ZFP36: variants seen among roughly 807,000 people sequenced by gnomAD.
ZFP36 encodes the protein ZFP36 zinc finger CCCH-type.
Under a neutral mutation model 19.8 loss-of-function variants are expected in ZFP36, and 13 were observed. That is an observed-to-expected ratio of 0.66 (90% CI 0.43 to 1.04). The LOEUF (loss-of-function observed/expected upper bound fraction) is 1.04. Ranked by LOEUF, ZFP36 falls within the 50% of genes least tolerant of loss-of-function variation. The pLI is 0.00. For synonymous variants in ZFP36, 191 were observed against 194.5 expected (o/e 0.98, Z 0.15); for missense variants, 354 against 441.6 (o/e 0.80, Z 1.78).
chr19:39,407,878 C>G lies in ZFP36; in HGVS notation c.160C>G (p.Leu54Val), dbSNP rs2078484928. ...CAGCCCGTCTGGGGTCACCTCCCGC[C>G]TGCCTGGCCGCTCCACCAGCCTAGT... ...DSSPSGVTSR[L>V]PGRSTSLVEG... The change falls in exon 2 of 2, where the codon CTG becomes GTG. Residue 54 changes from leucine (L) to valine (V), a missense_variant. By Grantham distance (32) the Leu-to-Val change is conservative (BLOSUM62 1). Coordinates refer to ENST00000597629, the MANE Select transcript of ZFP36 (RefSeq NM_003407.5). The surrounding 1 kb of genome is among the most constrained non-coding windows in gnomAD (Gnocchi z 7.6). 2.5e-6 allele frequency: 4 copies of G among 1,604,552 alleles called. No homozygotes were observed. Among genetic ancestry groups the G allele is most frequent in the African/African-American group, 2.7e-5 (2 of 75,032 alleles).
rs2078493678 is a variant in ZFP36 at position 39,409,306 on chromosome 19, AATT to A, written c.*613_*615del. 6.6e-6 allele frequency: 1 copy of A among 152,218 alleles called. No homozygotes were observed. Among genetic ancestry groups the A allele is most frequent in the Non-Finnish European group, 1.5e-5 (1 of 67,998 alleles). The allele number at this position is 152,218 out of a possible 1,614,324, so 9.4% of individuals were successfully genotyped here. On this transcript the variant is annotated 3_prime_UTR_variant, in exon 2 of 2. Transcript: ENST00000597629. The stretch of plus-strand genomic sequence containing the variant: ...TTTGTAATATTGAAAACGACGATAT[AATT>A]ATTATAAGTAGACTATAATATATTT...
rs935050282 is a variant in ZFP36, at chr19:39,407,308, G to A, written c.24+380G>A. 7.3e-5 allele frequency: 33 copies of A among 453,824 alleles called. No homozygotes were observed. Among genetic ancestry groups the A allele is most frequent in the Non-Finnish European group, 9.7e-5 (25 of 258,652 alleles). 28.1% of individuals were successfully genotyped at this position (453,824 alleles called of 1,614,324 possible). A position where few individuals can be genotyped will look rare whatever the true frequency, so the allele number is the denominator to read the frequency against. On this transcript the variant is annotated intron_variant, in intron 1 of 1. Transcript: ENST00000597629. The surrounding 1 kb of genome is among the most constrained non-coding windows in gnomAD (Gnocchi z 7.6). ...CTCTGGGGCTGAAGTCTCAGGGTGG[G>A]GGGATCCGACTTCTGTCTCTCCAGT...
rs1320050661 is a variant in ZFP36, at chr19:39,407,950, C to A, written c.232C>A (p.Pro78Thr). 2 of 1,598,864 alleles carry A rather than the reference C, an allele frequency of 1.3e-6. No individual in the cohort carries two copies. Among genetic ancestry groups the A allele is most frequent in the Admixed American group, 1.7e-5 (1 of 59,612 alleles). Residue 78 changes from proline (P) to threonine (T), a missense_variant, in exon 2 of 2, where the codon CCG (proline) becomes ACG (threonine). Coordinates refer to ENST00000597629, the MANE Select transcript of ZFP36 (RefSeq NM_003407.5). This position sits in a 1 kb window ranked among gnomAD's most constrained non-coding sequence, Gnocchi z 7.6. ...GGTGCCCCCACCCCCTGGCTTCGCA[C>A]CGCTGGCTCCCCGCCTGGGCCCTGA... ...GWVPPPPGFAPLAPRLGPELS... is the reference protein window; with the variant it reads ...GWVPPPPGFATLAPRLGPELS...
chr19:39,408,929 TGGG>T lies in ZFP36; in HGVS notation c.*233_*235del. On this transcript the variant is annotated 3_prime_UTR_variant, in exon 2 of 2. Coordinates refer to ENST00000597629, the MANE Select transcript of ZFP36 (RefSeq NM_003407.5). This position sits in a 1 kb window ranked among gnomAD's most constrained non-coding sequence, Gnocchi z 6.0. ...GGGATGGAGTGTCTTCCGAGGTTCT[TGGG>T]GGAAAAAAAATTGTAGCATATTTAA... is the stretch of plus-strand genomic sequence containing the variant. 2.4e-6 allele frequency: 1 copy of T among 420,844 alleles called. No homozygotes were observed. Among genetic ancestry groups the T allele is most frequent in the Non-Finnish European group, 4.2e-6 (1 of 238,624 alleles). The allele number at this position is 420,844 out of a possible 1,614,324, so 26.1% of individuals were successfully genotyped here.
rs1437860510 is a variant in ZFP36, at chr19:39,407,981, C to T, written c.263C>T (p.Ser88Leu). 6 of 1,608,096 alleles carry T rather than the reference C, an allele frequency of 3.7e-6. No individual in the cohort carries two copies. The highest frequency in any genetic ancestry group is 5.1e-6 in the Non-Finnish European group (6 of 1,179,270). Residue 88 changes from serine (S) to leucine (L), a missense_variant, in exon 2 of 2, where the codon TCA becomes TTA. By Grantham distance (145) the Ser-to-Leu change is moderately radical (BLOSUM62 -2). Transcript: ENST00000597629. The surrounding 1 kb of genome is among the most constrained non-coding windows in gnomAD (Gnocchi z 7.6). The stretch of plus-strand genomic sequence containing the variant: ...GCTCCCCGCCTGGGCCCTGAGCTGT[C>T]ACCCTCACCCACTTCGCCCACTGCA... ...PLAPRLGPEL[S>L]PSPTSPTATS...
rs1269421464 is a variant in ZFP36, at chr19:39,409,106, A to T, written c.*407A>T. On this transcript the variant is annotated 3_prime_UTR_variant, in exon 2 of 2. Transcript: ENST00000597629. The stretch of plus-strand genomic sequence containing the variant: ...CTCCTGGTAACTGGAACCTCTCCTG[A>T]GGGGGAATCCTGGTGCTCAAATTAC... The T allele has an allele frequency of 6.3e-6, 1 of 159,044 alleles. No individual in the cohort carries two copies. Among genetic ancestry groups the T allele is most frequent in the East Asian group, 1.8e-4 (1 of 5,418 alleles). The allele number at this position is 159,044 out of a possible 1,614,324, so 9.9% of individuals were successfully genotyped here.
Sources: allele counts gnomAD v4.1 joint callset, GRCh38; gene constraint gnomAD v4.1.1; non-coding constraint Gnocchi (gnomAD v3.1); transcripts MANE v1.5; gene names NCBI Gene and HGNC (gene_info 2026-07-23, HGNC 2026-07-21).